The following GRIK2 variants were observed in gnomAD, a reference collection of about 807,000 sequenced individuals.
The protein encoded by GRIK2 is glutamate receptor ionotropic, kainate 2.
Under a neutral mutation model 100.3 loss-of-function variants are expected in GRIK2, and 32 were observed. The ratio of observed to expected loss-of-function variants is 0.32; its 90% CI spans 0.24 to 0.43. GRIK2 has a LOEUF of 0.43. Ranked by LOEUF, GRIK2 falls within the 20% of genes least tolerant of loss-of-function variation. GRIK2 has a pLI of 1.00. For missense variants in GRIK2, 843 were observed against 1,114.9 expected (o/e 0.76, Z 3.47); for synonymous variants, 417 against 389.4 (o/e 1.07, Z -0.83).
chr6:101,718,604 C>T (rs1450325583), intron 7 of GRIK2, among the ~76,000 whole-genome samples: 1 of 151,892 alleles, frequency 6.6e-6, no homozygotes, highest in Non-Finnish European at 1.5e-5. Flanking sequence ...ATTATCTAGA[C>T]TGTGTCCCTT....
intron 7 of GRIK2, among the ~76,000 whole-genome samples, chr6:101,721,069 C>A (rs1562333939): frequency 6.6e-6 from 1 of 151,730 alleles, no homozygotes; most frequent in African/African-American, 2.4e-5. Flanking sequence ...CTAATATGTC[C>A]ATTTGTTTTT....
chr6:102,068,521 G>T lies in GRIK2; in HGVS notation c.*10G>T. 6.2e-7 allele frequency: 1 copy of T among 1,608,786 alleles called. No homozygotes were observed. The highest frequency in any genetic ancestry group is 8.5e-7 in the Non-Finnish European group (1 of 1,176,710). On this transcript the variant is annotated 3_prime_UTR_variant, in exon 17 of 17. Transcript: ENST00000369134. Reference sequence around the variant, plus strand: ...AGAAACCATGGCATAAAGCTGGGAGGCCAAACACCCAAGCACAAACTGTCG... The same window carrying T: ...AGAAACCATGGCATAAAGCTGGGAGTCCAAACACCCAAGCACAAACTGTCG...
At chr6:101,402,803 G>T (rs958073563) in intron 2 of GRIK2, among the ~76,000 whole-genome samples, 2 of 152,188 alleles carry the variant, frequency 1.3e-5, no homozygotes, top group African/African-American at 4.8e-5. Context: ...CGGGCACAGG[G>T]CATCCAGCGC....
chr6:101,461,678 T>C (rs1771314360), intron 2 of GRIK2, among the ~76,000 whole-genome samples: 1 of 152,150 alleles, frequency 6.6e-6, no homozygotes, highest in Non-Finnish European at 1.5e-5. Flanking sequence ...TATTCACAGG[T>C]TCCAGGGATT....
chr6:101,572,875 C>T (rs991164905), intron 2 of GRIK2, among the ~76,000 whole-genome samples: 6 of 147,482 alleles, frequency 4.1e-5, no homozygotes, highest in Non-Finnish European at 8.9e-5. Flanking sequence ...CAGAGTCTGT[C>T]TCCGTCATCC....
intron 7 of GRIK2, among the ~76,000 whole-genome samples, chr6:101,700,248 ATTG>A (rs1387926714): frequency 1.3e-5 from 2 of 149,432 alleles, no homozygotes; most frequent in African/African-American, 2.4e-5. Flanking sequence ...AATAATTGTT[ATTG>A]TTATTATTTT....
chr6:101,704,213 CATG>C (rs774440852), intron 7 of GRIK2, among the ~76,000 whole-genome samples: 17 of 151,512 alleles, frequency 1.1e-4, no homozygotes, highest in Non-Finnish European at 2.4e-4. Context: ...TCTAAGAGAC[CATG>C]ATGGAGAATA....
At chr6:101,888,749 C>T (rs1786837028) in intron 11 of GRIK2, among the ~76,000 whole-genome samples, 1 of 152,116 alleles carries the variant, frequency 6.6e-6, no homozygotes, top group African/African-American at 2.4e-5. Context: ...CTTTCTCTAA[C>T]TCTTGACGGT....
At chr6:101,698,586 C>A (rs543211094) in intron 7 of GRIK2, among the ~76,000 whole-genome samples, 1 of 151,992 alleles carries the variant, frequency 6.6e-6, no homozygotes, top group Non-Finnish European at 1.5e-5. Flanking sequence ...GGTACCAAAT[C>A]GATCCTTCAT....
At chr6:101,542,301 A>G (rs1311597721) in intron 2 of GRIK2, among the ~76,000 whole-genome samples, 4 of 152,108 alleles carry the variant, frequency 2.6e-5, no homozygotes, top group Admixed American at 2.6e-4. Context: ...AAATTTTTAT[A>G]AAAATCAGAA....
chr6:101,676,333 G>A (rs1247944004), intron 4 of GRIK2, among the ~76,000 whole-genome samples: 3 of 151,984 alleles, frequency 2.0e-5, no homozygotes, highest in African/African-American at 7.2e-5. Flanking sequence ...ATGTCTTAAA[G>A]AATTTGAGAA....
intron 12 of GRIK2, among the ~76,000 whole-genome samples, chr6:101,915,106 G>A (rs1269147635): frequency 6.6e-6 from 1 of 151,280 alleles, no homozygotes; most frequent in Non-Finnish European, 1.5e-5. Flanking sequence ...ACTTAAATAT[G>A]TACAATTAAA....
At chr6:101,469,304 G>A (rs1771822576) in intron 2 of GRIK2, among the ~76,000 whole-genome samples, 1 of 152,020 alleles carries the variant, frequency 6.6e-6, no homozygotes, top group South Asian at 2.1e-4. Context: ...ACTGTTACTG[G>A]CATGCAAGAG....
At chr6:101,482,877 C>A (rs373464788) in intron 2 of GRIK2, among the ~76,000 whole-genome samples, 1 of 152,088 alleles carries the variant, frequency 6.6e-6, no homozygotes, top group African/African-American at 2.4e-5. Context: ...CAGTGTGGAT[C>A]CCCATCTTTT....
intron 7 of GRIK2, among the ~76,000 whole-genome samples, chr6:101,740,367 G>A (rs1057032563): frequency 6.6e-6 from 1 of 152,126 alleles, no homozygotes; most frequent in African/African-American, 2.4e-5. Flanking sequence ...AACAGTGCAT[G>A]GCAGATGAAA....
At chr6:101,866,900 T>TTGTGTGTGTG (rs60775585) in intron 11 of GRIK2, among the ~76,000 whole-genome samples, 2 of 149,328 alleles carry the variant, frequency 1.3e-5, no homozygotes, top group African/African-American at 4.9e-5. Flanking sequence ...CTTAATTTCA[T>TTGTGTGTGTG]TGTGTGTGTG....
chr6:101,794,556 G>A (rs1780156237), intron 7 of GRIK2, among the ~76,000 whole-genome samples: 1 of 152,066 alleles, frequency 6.6e-6, no homozygotes, highest in Middle Eastern at 3.4e-3. Context: ...GTGGTTTTCT[G>A]TAGTGGTTCC....
intron 7 of GRIK2, among the ~76,000 whole-genome samples, chr6:101,719,093 A>G (rs1336552375): frequency 1.4e-5 from 2 of 147,502 alleles, no homozygotes; most frequent in African/African-American, 2.5e-5. Context: ...GAATATAAAG[A>G]AGCCATTTAA....
At chr6:101,951,300 A>G (rs1047049234) in intron 14 of GRIK2, among the ~76,000 whole-genome samples, 1 of 152,176 alleles carries the variant, frequency 6.6e-6, no homozygotes, top group African/African-American at 2.4e-5. Context: ...TATTTAAGAG[A>G]GTTGAGAAAC....
Sources: allele counts gnomAD v4.1 joint callset (sites outside exome capture counted in the v4.1 genomes callset), GRCh38; gene constraint gnomAD v4.1.1; transcripts MANE v1.5; gene names NCBI Gene and HGNC (gene_info 2026-07-23, HGNC 2026-07-21).